Variants in ZNFX1 observed in about 807,000 individuals in gnomAD.
The protein encoded by ZNFX1 is zinc finger NFX1-type containing 1.
ZNFX1 carries 78 observed loss-of-function variants against 179.8 expected under a neutral mutation model. That is an observed-to-expected ratio of 0.43 (90% CI 0.36 to 0.52). The LOEUF is 0.52. Ranked by LOEUF, ZNFX1 falls within the 20% of genes least tolerant of loss-of-function variation. The pLI, the probability that ZNFX1 is intolerant of heterozygous loss-of-function variation, is 0.00. For synonymous variants in ZNFX1, 848 were observed against 868.5 expected, an observed-to-expected ratio of 0.98 and a Z score of 0.42; for missense variants, 1,927 against 2,386.6, an observed-to-expected ratio of 0.81 and a Z score of 4.01.
At chr20:49,268,641 C>T (rs986817710) in intron 3 of ZNFX1, among the ~76,000 whole-genome samples, 3 of 152,068 alleles carry the variant, frequency 2.0e-5, no homozygotes, top group African/African-American at 7.2e-5. Flanking sequence ...GGTCTAATAT[C>T]TGCAATTAAA....
chr20:49,253,624 C>T (rs200490339), intron 11 of ZNFX1, 42 bp downstream of exon 11: 1 of 1,611,978 alleles, frequency 6.2e-7, no homozygotes, highest in African/African-American at 1.3e-5. Flanking sequence ...ATCTCACCCC[C>T]ACGGAGAGCC....
chr20:49,263,573 G>A, intron 5 of ZNFX1, 90 bp from the exon 6 acceptor site: 1 of 1,417,946 alleles, frequency 7.1e-7, no homozygotes, highest in South Asian at 1.3e-5. Flanking sequence ...AGCTAAGACA[G>A]GAACAGTAAG....
rs1481248537 is a variant in ZNFX1, at chr20:49,255,945, G to T, written c.2667C>A (p.Thr889=). ...TCATTTTCTTTTTCTGGTTGCGCTG[G>T]GTCTGCAGACATCAATACCAGGCAG... is the stretch of plus-strand genomic sequence containing the variant. ...GQEQATGEWQ[T]QRNQKKKMKK... is the part of the protein sequence containing the mutation. The change falls in exon 9 of 14, where the codon ACC becomes ACA. Residue 889 remains threonine, a splice_region_variant and synonymous_variant. Transcript: ENST00000396105. The T allele has an allele frequency of 6.2e-7, 1 of 1,613,890 alleles. No individual in the cohort carries two copies. The highest frequency in any genetic ancestry group is 1.7e-5 in the Admixed American group (1 of 60,000).
At chr20:49,269,871 T>G (rs1981337037) in intron 3 of ZNFX1, 71 bp downstream of exon 3, 2 of 1,487,376 alleles carry the variant, frequency 1.3e-6, no homozygotes, top group Non-Finnish European at 1.8e-6. Context: ...TCTAGAAACC[T>G]AGAGTGAAGG....
In ZNFX1 at chr20:49,247,099, C is replaced by G; in HGVS notation, c.*168G>C. On this transcript the variant is annotated 3_prime_UTR_variant, in exon 14 of 14. Coordinates refer to ENST00000396105, the MANE Select transcript of ZNFX1 (RefSeq NM_021035.3). Reference sequence around the variant, plus strand: ...GGTCAGGCTGGTCTCGAACTCCTGACCTCGTGATCCGCCTGCCTCGGCCTC... The same window carrying G: ...GGTCAGGCTGGTCTCGAACTCCTGAGCTCGTGATCCGCCTGCCTCGGCCTC... The G allele has an allele frequency of 1.2e-6, 1 of 845,470 alleles. No individual in the cohort carries two copies. Among genetic ancestry groups the G allele is most frequent in the Non-Finnish European group, 1.8e-6 (1 of 559,968 alleles). The allele number at this position is 845,470 out of a possible 1,614,324, so 52.4% of individuals were successfully genotyped here. A position where few individuals can be genotyped will look rare whatever the true frequency, so the allele number is the denominator to read the frequency against.
rs1216258669 is a variant in ZNFX1 at position 49,249,409 on chromosome 20, T to G, written c.3615A>C (p.Glu1205Asp). Residue 1205 changes from glutamate to aspartate, a missense_variant, in exon 14 of 14, where the codon GAA (glutamate) becomes GAC (aspartate). By Grantham distance (45) the Glu-to-Asp change is conservative (BLOSUM62 2). Transcript: ENST00000396105. ...ATATCTGCAGAAAACCCACCTTGCC[T>G]TCTTGGTTGCTCCGCACTAGCGAGA... Reference protein sequence around the residue: ...ILLSLVRSNQEGKVGFLQISN... With the variant: ...ILLSLVRSNQDGKVGFLQISN... The G allele has an allele frequency of 6.2e-7, 1 of 1,614,154 alleles. No homozygotes were observed. Among genetic ancestry groups the G allele is most frequent in the East Asian group, 2.2e-5 (1 of 44,890 alleles).
At chr20:49,253,320 T>TG (rs1980889917) in intron 11 of ZNFX1, among the ~76,000 whole-genome samples, 1 of 152,074 alleles carries the variant, frequency 6.6e-6, no homozygotes, top group African/African-American at 2.4e-5. Context: ...CTACCTTTTT[T>TG]TTAAAAAAAT....
Position 49,248,402 on chromosome 20 carries a change from G to A in ZNFX1, c.4622C>T (p.Thr1541Ile). Residue 1541 changes from threonine to isoleucine, a missense_variant, in exon 14 of 14, where the codon ACT becomes ATT. Transcript: ENST00000396105. The surrounding 1 kb of genome is among the most constrained non-coding windows in gnomAD (Gnocchi z 4.6). ...GGGGTGGCCACAAACTAGCAGCTTA[G>A]TACAAGGCACATAGCATGGGGGTCG... ...CNRPPCYVPC[T>I]KLLVCGHPCI... 6.2e-7 allele frequency: 1 copy of A among 1,610,362 alleles called. No individual in the cohort carries two copies. The highest frequency in any genetic ancestry group is 8.5e-7 in the Non-Finnish European group (1 of 1,177,646).
In ZNFX1 at chr20:49,270,795, G is replaced by A; in HGVS notation, c.1017C>T (p.Tyr339=). ...HVESYRTMPI[Y]PTYNEVHLDE... is the part of the protein sequence containing the mutation. ...CCAAGTGCACTTCATTGTAGGTAGG[G>A]TAAATGGGCATGGTTCGGTAGCTCT... The change falls in exon 3 of 14, where the codon TAC becomes TAT. Residue 339 remains tyrosine, a synonymous_variant. Coordinates refer to ENST00000396105, the MANE Select transcript of ZNFX1 (RefSeq NM_021035.3). This position sits in a 1 kb window ranked among gnomAD's most constrained non-coding sequence, Gnocchi z 4.6. The A allele has an allele frequency of 6.2e-7, 1 of 1,614,186 alleles. No homozygotes were observed.
chr20:49,270,024 C>T lies in ZNFX1; in HGVS notation c.1788G>A (p.Leu596=). The T allele has an allele frequency of 1.9e-6, 3 of 1,614,212 alleles. No individual in the cohort carries two copies. Among genetic ancestry groups the T allele is most frequent in the African/African-American group, 1.3e-5 (1 of 75,072 alleles). ...CTTCCATCTGGGAGTCATCCAGCTT[C>T]AGGGCTTCTTTTGAGGGCCACTGGC... ...DPGQWPSKEA[L]KLDDSQMEAL... The change falls in exon 3 of 14, where the codon CTG becomes CTA. Residue 596 remains leucine (L), a synonymous_variant. Coordinates refer to ENST00000396105, the MANE Select transcript of ZNFX1 (RefSeq NM_021035.3). This position sits in a 1 kb window ranked among gnomAD's most constrained non-coding sequence, Gnocchi z 4.6.
chr20:49,273,972 A>G (rs1193598241), intron 2 of ZNFX1, among the ~76,000 whole-genome samples: 1 of 152,204 alleles, frequency 6.6e-6, no homozygotes, highest in Non-Finnish European at 1.5e-5. Context: ...AAGAGCCCAT[A>G]GTTCTTCCTC....
At position 49,271,647 on chromosome 20, in the gene ZNFX1, C is replaced by T. The variant is rs1429853357; in HGVS notation, c.165G>A (p.Arg55=). The T allele has an allele frequency of 6.8e-6, 11 of 1,613,788 alleles. No individual in the cohort carries two copies. The highest frequency in any genetic ancestry group is 9.3e-6 in the Non-Finnish European group (11 of 1,179,970). The change falls in exon 3 of 14, where the codon AGG becomes AGA. Residue 55 remains arginine, a synonymous_variant. Transcript: ENST00000396105. ...GGASHPGRHP[R]ANNHPAAYWQ... ...AGTAAGCAGCAGGATGGTTGTTGGC[C>T]CTAGGATGCCTTCCAGGGTGGCTGG...
intron 3 of ZNFX1, among the ~76,000 whole-genome samples, chr20:49,269,284 C>T (rs1981318890): frequency 6.6e-6 from 1 of 152,198 alleles, no homozygotes; most frequent in Non-Finnish European, 1.5e-5. Flanking sequence ...CATGTTCTCA[C>T]TCATAAGTGG....
chr20:49,257,558 T>C lies in ZNFX1; in HGVS notation c.2523A>G (p.Glu841=). Residue 841 remains glutamate, a synonymous_variant, in exon 8 of 14, where the codon GAA becomes GAG. Coordinates refer to ENST00000396105, the MANE Select transcript of ZNFX1 (RefSeq NM_021035.3). ...LIQADRVIEE[E]EVVRPQRRKK... ...TCCGCCGCTGGGGCCTCACCACCTC[T>C]TCCTCCTCAATCACCCGGTCTGCTT... 1 of 1,613,884 alleles carries C rather than the reference T, an allele frequency of 6.2e-7. No homozygotes were observed.
At chr20:49,259,659 G>C (rs1981067760) in intron 7 of ZNFX1, among the ~76,000 whole-genome samples, 1 of 152,018 alleles carries the variant, frequency 6.6e-6, no homozygotes. Flanking sequence ...CAACTTCTGG[G>C]CTGAAACGAT....
intron 7 of ZNFX1, among the ~76,000 whole-genome samples, chr20:49,258,626 T>C (rs557145431): frequency 8.8e-6 from 1 of 114,102 alleles, no homozygotes; most frequent in African/African-American, 3.5e-5. Context: ...GCCAACACGG[T>C]GAAACTCTGT....
Position 49,266,215 on chromosome 20 carries a change from G to A in ZNFX1, c.1922C>T (p.Ser641Phe). The change falls in exon 4 of 14, where the codon TCT (serine) becomes TTT (phenylalanine). Residue 641 changes from serine (S) to phenylalanine (F), a missense_variant. Physicochemically the swap from Ser to Phe is radical, Grantham distance 155. Coordinates refer to ENST00000396105, the MANE Select transcript of ZNFX1 (RefSeq NM_021035.3). The part of the protein sequence containing the change: ...KIVQALLTNE[S>F]VWQISLQKFP... ...CTTCTGGAGGCTAATTTGCCAAACA[G>A]ACTCGTTGGTTAGGAGGGCCTGAAC... 1.2e-6 allele frequency: 2 copies of A among 1,613,062 alleles called. No homozygotes were observed. The highest frequency in any genetic ancestry group is 1.7e-6 in the Non-Finnish European group (2 of 1,179,632).
At chr20:49,259,986 T>C (rs1002326458) in intron 7 of ZNFX1, among the ~76,000 whole-genome samples, 2 of 152,258 alleles carry the variant, frequency 1.3e-5, no homozygotes, top group South Asian at 4.1e-4. Context: ...CATGGGGTTA[T>C]ATCAAACTTT....
At chr20:49,264,273 A>G (rs548075007) in intron 5 of ZNFX1, among the ~76,000 whole-genome samples, 1 of 152,224 alleles carries the variant, frequency 6.6e-6, no homozygotes, top group Non-Finnish European at 1.5e-5. Flanking sequence ...GGATTTTCCA[A>G]TTTGAGATGC....
Sources: allele counts gnomAD v4.1 joint callset (sites outside exome capture counted in the v4.1 genomes callset), GRCh38; gene constraint gnomAD v4.1.1; non-coding constraint Gnocchi (gnomAD v3.1); transcripts MANE v1.5; gene names NCBI Gene and HGNC (gene_info 2026-07-23, HGNC 2026-07-21).